The following PRKG1 variants were observed in gnomAD, a reference collection of about 807,000 sequenced individuals.
PRKG1 encodes the protein protein kinase cGMP-dependent 1, also known as cGMP-dependent protein kinase 1.
A neutral mutation model predicts 88.1 loss-of-function variants in PRKG1; 35 were observed. The ratio of observed to expected loss-of-function variants is 0.40; its 90% CI spans 0.30 to 0.53. The LOEUF (loss-of-function observed/expected upper bound fraction) is 0.53. Among genes scored for constraint, PRKG1 ranks in the 20% least tolerant of loss-of-function variants. The probability of loss-of-function intolerance (pLI) is 0.59; values close to 1 mark genes in which losing one functional copy is unlikely to be tolerated. For synonymous variants in PRKG1, 303 were observed against 292.5 expected, an observed-to-expected ratio of 1.04 and a Z score of -0.37; for missense variants, 540 against 839.8, an observed-to-expected ratio of 0.64 and a Z score of 4.41.
intron 2 of PRKG1, among the ~76,000 whole-genome samples, chr10:51,410,636 A>G (rs1407668720): frequency 6.6e-6 from 1 of 152,134 alleles, no homozygotes; most frequent in Non-Finnish European, 1.5e-5. Flanking sequence ...TGCATCTTTC[A>G]ATCCAATCCA....
At chr10:51,091,462 T>A (rs1314685455) in intron 1 of PRKG1, among the ~76,000 whole-genome samples, 1 of 152,192 alleles carries the variant, frequency 6.6e-6, no homozygotes, top group East Asian at 1.9e-4. Flanking sequence ...TTCATATAAA[T>A]AAGCATTTTA....
At chr10:51,275,179 A>G (rs4086290) in intron 2 of PRKG1, among the ~76,000 whole-genome samples, 20,658 of 152,218 alleles carry the variant, frequency 0.14, 1,519 homozygotes, top group East Asian at 0.19. Flanking sequence ...ACACTTGTCA[A>G]AATAAAGTCC....
intron 4 of PRKG1, among the ~76,000 whole-genome samples, chr10:51,897,501 T>C (rs1198461158): frequency 6.6e-6 from 1 of 152,206 alleles, no homozygotes; most frequent in Non-Finnish European, 1.5e-5. Flanking sequence ...GATATGGGGC[T>C]AAATCTGATA....
intron 3 of PRKG1, among the ~76,000 whole-genome samples, chr10:51,591,620 A>G (rs1441914616): frequency 6.6e-6 from 1 of 152,234 alleles, no homozygotes; most frequent in Non-Finnish European, 1.5e-5. Context: ...CTATTCTGCA[A>G]TAAAATATTC....
chr10:52,008,714 A>G (rs759916575), intron 5 of PRKG1, among the ~76,000 whole-genome samples: 4 of 151,914 alleles, frequency 2.6e-5, no homozygotes, highest in Non-Finnish European at 5.9e-5. Context: ...TTTTTAAAAA[A>G]TTGTCAAGTT....
At chr10:51,286,291 C>T (rs1301449001) in intron 2 of PRKG1, among the ~76,000 whole-genome samples, 4 of 152,148 alleles carry the variant, frequency 2.6e-5, no homozygotes, top group African/African-American at 9.7e-5. Context: ...CTTTCAAAGG[C>T]ATCCTTTCAT....
intron 9 of PRKG1, among the ~76,000 whole-genome samples, chr10:52,176,627 C>A (rs373934906): frequency 0.037 from 5,557 of 152,198 alleles, 124 homozygotes; most frequent in Middle Eastern, 0.1. Context: ...AACATTTTAA[C>A]AGTATTAATT....
At chr10:51,175,595 A>G (rs978069737) in intron 2 of PRKG1, among the ~76,000 whole-genome samples, 4 of 152,096 alleles carry the variant, frequency 2.6e-5, no homozygotes, top group Admixed American at 2.0e-4. Context: ...GGCCAGAGTC[A>G]ACACCATTTC....
chr10:51,010,963 TC>T (rs550633364), intron 1 of PRKG1, among the ~76,000 whole-genome samples: 39 of 152,314 alleles, frequency 2.6e-4, no homozygotes, highest in African/African-American at 7.9e-4. Flanking sequence ...TACAGATTTT[TC>T]TCCTGCCTGA....
At chr10:52,265,000 A>G (rs1477365677) in intron 10 of PRKG1, among the ~76,000 whole-genome samples, 4 of 152,008 alleles carry the variant, frequency 2.6e-5, no homozygotes, top group African/African-American at 7.2e-5. Context: ...ATATTGCCAC[A>G]TGTTTTTTGG....
chr10:51,514,719 G>T (rs145814898), intron 3 of PRKG1, among the ~76,000 whole-genome samples: 1 of 152,294 alleles, frequency 6.6e-6, no homozygotes, highest in East Asian at 1.9e-4. Flanking sequence ...AAATCTAGAT[G>T]AATCTGGACT....
intron 3 of PRKG1, among the ~76,000 whole-genome samples, chr10:51,585,556 C>T (rs1235206203): frequency 2.0e-5 from 3 of 151,978 alleles, no homozygotes; most frequent in African/African-American, 4.8e-5. Context: ...CTGCGAATTC[C>T]AGGAGCTTTC....
chr10:51,723,085 T>G (rs1165356121), intron 3 of PRKG1, among the ~76,000 whole-genome samples: 1 of 152,216 alleles, frequency 6.6e-6, no homozygotes, highest in Non-Finnish European at 1.5e-5. Flanking sequence ...CTGTTTAAAC[T>G]GAATTTGATG....
intron 4 of PRKG1, among the ~76,000 whole-genome samples, chr10:51,827,391 A>T (rs1202366178): frequency 1.3e-5 from 2 of 152,182 alleles, no homozygotes; most frequent in African/African-American, 4.8e-5. Flanking sequence ...TATCAGTAAG[A>T]ACTTGGTTAT....
At chr10:51,991,825 G>A (rs907484067) in intron 5 of PRKG1, among the ~76,000 whole-genome samples, 1 of 152,096 alleles carries the variant, frequency 6.6e-6, no homozygotes, top group African/African-American at 2.4e-5. Flanking sequence ...ATTGTATAGT[G>A]CCACAATAAA....
In PRKG1 at chr10:51,268,586, G is replaced by A. The variant is rs1272941795; in HGVS notation, c.478+115256G>A. Among the ~76,000 whole-genome samples, 3 of 152,060 alleles carry A rather than the reference G, an allele frequency of 2.0e-5. No individual in the cohort carries two copies. In the South Asian group the frequency reaches 6.2e-4, roughly 32 times the overall value. On this transcript the variant is annotated intron_variant, in intron 2 of 17. Coordinates refer to ENST00000373980, the MANE Select transcript of PRKG1 (RefSeq NM_006258.4). ...CGGCTCAGCAGTCAGAGTTTATAAG[G>A]TTATCTCTCTTGTTCCCTGTACATT...
intron 4 of PRKG1, among the ~76,000 whole-genome samples, chr10:51,865,992 A>G (rs1841005150): frequency 6.6e-6 from 1 of 151,994 alleles, no homozygotes; most frequent in African/African-American, 2.4e-5. Flanking sequence ...TCTCAGTCGT[A>G]TGTATCATTA....
intron 2 of PRKG1, among the ~76,000 whole-genome samples, chr10:51,319,005 G>T (rs1169288909): frequency 1.3e-5 from 2 of 152,050 alleles, no homozygotes; most frequent in Non-Finnish European, 2.9e-5. Flanking sequence ...CATTATCCTT[G>T]CCATTTCTTT....
intron 2 of PRKG1, among the ~76,000 whole-genome samples, chr10:51,279,600 C>A (rs1444164952): frequency 6.6e-6 from 1 of 152,180 alleles, no homozygotes; most frequent in Non-Finnish European, 1.5e-5. Flanking sequence ...GTTAGCTCTT[C>A]TTATTGAATT....
Sources: allele counts gnomAD v4.1 joint callset (sites outside exome capture counted in the v4.1 genomes callset), GRCh38; gene constraint gnomAD v4.1.1; transcripts MANE v1.5; gene names NCBI Gene and HGNC (gene_info 2026-07-23, HGNC 2026-07-21).